The following EDIL3 variants were observed in gnomAD, a reference collection of about 807,000 sequenced individuals.
The protein encoded by EDIL3 is EGF like and discoidin domains 3.
In EDIL3, 37 loss-of-function variants were observed where a neutral mutation model predicts 67.4. That is an observed-to-expected ratio of 0.55 (90% confidence interval 0.42 to 0.72). EDIL3 has a LOEUF of 0.72. EDIL3 is among the 30% of genes least tolerant of loss of function. The pLI is 0.00. For missense variants in EDIL3, 527 were observed against 586.3 expected (o/e 0.90, Z 1.04); for synonymous variants, 195 against 196.3 (o/e 0.99, Z 0.05).
At chr5:84,340,918 A>T (rs890142725) in intron 1 of EDIL3, among the ~76,000 whole-genome samples, 13 of 151,516 alleles carry the variant, frequency 8.6e-5, no homozygotes, top group Non-Finnish European at 1.6e-4. Context: ...ACATGCCTCA[A>T]CTCCAATCCA....
intron 5 of EDIL3, among the ~76,000 whole-genome samples, chr5:84,117,020 ATTTTTTTTTTTTT>A (rs34997139): frequency 3.2e-4 from 27 of 83,244 alleles, no homozygotes; most frequent in Non-Finnish European, 4.7e-4. Flanking sequence ...TTAAGTACTT[ATTTTTTTTTTTTT>A]TTTTTTTTTT....
intron 2 of EDIL3, among the ~76,000 whole-genome samples, chr5:84,242,935 T>C (rs866703675): frequency 6.6e-6 from 1 of 152,028 alleles, no homozygotes; most frequent in African/African-American, 2.4e-5. Flanking sequence ...TGGAACAAAA[T>C]TGTAGGTTTA....
At chr5:84,363,406 C>T (rs556204550) in intron 1 of EDIL3, among the ~76,000 whole-genome samples, 5 of 149,176 alleles carry the variant, frequency 3.4e-5, no homozygotes, top group Admixed American at 6.7e-5. Flanking sequence ...GCCGAGATCG[C>T]GCCACTGCAC....
intron 8 of EDIL3, among the ~76,000 whole-genome samples, chr5:84,064,339 G>A (rs1372424478): frequency 1.3e-5 from 2 of 152,142 alleles, no homozygotes; most frequent in Non-Finnish European, 2.9e-5. Context: ...AATTTATGAG[G>A]TGGGACAGAT....
chr5:84,322,218 A>G (rs986679480), intron 1 of EDIL3, among the ~76,000 whole-genome samples: 27 of 151,932 alleles, frequency 1.8e-4, no homozygotes, highest in Non-Finnish European at 3.5e-4. Flanking sequence ...AAAAAAAAAG[A>G]AAAAAGCAAC....
chr5:84,188,676 G>A (rs1322217258), intron 3 of EDIL3, among the ~76,000 whole-genome samples: 1 of 151,810 alleles, frequency 6.6e-6, no homozygotes, highest in African/African-American at 2.4e-5. Context: ...TCATATAAGT[G>A]GGCCTTAATC....
intron 3 of EDIL3, chr5:84,197,003 T>C (rs1220410260): frequency 6.6e-6 from 1 of 152,000 alleles, no homozygotes; most frequent in Non-Finnish European, 1.5e-5. Context: ...ATCTCTAAAT[T>C]TGAGGCCAAG....
intron 1 of EDIL3, among the ~76,000 whole-genome samples, chr5:84,299,262 C>T (rs1223483244): frequency 1.3e-5 from 2 of 151,966 alleles, no homozygotes; most frequent in Non-Finnish European, 2.9e-5. Context: ...AGGCTAATAT[C>T]GAAAGAAGGA....
intron 3 of EDIL3, among the ~76,000 whole-genome samples, chr5:84,194,895 T>C (rs1353504151): frequency 6.6e-6 from 1 of 151,894 alleles, no homozygotes; most frequent in Non-Finnish European, 1.5e-5. Context: ...ACATTTTAGA[T>C]CCCCTCAGTT....
rs551177104 is a variant in EDIL3, at chr5:84,098,176, A to G, written c.651+8473T>C. On this transcript the variant is annotated intron_variant, in intron 6 of 10. Transcript: ENST00000296591. ...AACCAGTTATGAGCATTGTGGTACT[A>G]TTAATAATTGCATGCTGAACATATA... 2.6e-5 allele frequency among the ~76,000 whole-genome samples: 4 copies of G among 152,164 alleles called. No individual in the cohort carries two copies. The East Asian group carries it at 5.8e-4, about 22-fold the overall frequency.
At chr5:84,378,924 G>A (rs561454136) in intron 1 of EDIL3, among the ~76,000 whole-genome samples, 4 of 152,180 alleles carry the variant, frequency 2.6e-5, no homozygotes, top group East Asian at 1.9e-4. Context: ...GTTTCACAAC[G>A]TTTCAAAGGT....
At position 84,176,230 on chromosome 5, in the gene EDIL3, A is replaced by G. The variant is rs932151444; in HGVS notation, c.355+4163T>C. Reference sequence around the variant, plus strand: ...ATATATATATATATATATATATAATATATTGTATGTATAATATATTGTATA... The same window carrying G: ...ATATATATATATATATATATATAATGTATTGTATGTATAATATATTGTATA... On this transcript the variant is annotated intron_variant, in intron 4 of 10. Transcript: ENST00000296591. Among the ~76,000 whole-genome samples, 10 of 139,186 alleles carry G rather than the reference A, an allele frequency of 7.2e-5. No homozygotes were observed. The East Asian group carries it at 2.0e-3, about 28-fold the overall frequency. The allele number at this position is 139,186 out of a possible 152,430, so 91.3% of individuals were successfully genotyped here. A position where few individuals can be genotyped will look rare whatever the true frequency, so the allele number is the denominator to read the frequency against.
chr5:83,990,148 C>T (rs1745124678), intron 9 of EDIL3, among the ~76,000 whole-genome samples: 1 of 152,116 alleles, frequency 6.6e-6, no homozygotes, highest in Non-Finnish European at 1.5e-5. Context: ...AACTGTGATA[C>T]ATAGGTATTC....
chr5:84,223,163 G>A (rs1744380479), intron 3 of EDIL3, among the ~76,000 whole-genome samples: 1 of 151,520 alleles, frequency 6.6e-6, no homozygotes, highest in African/African-American at 2.4e-5. Flanking sequence ...TATAAGACAA[G>A]GTCCAGGGAA....
At chr5:84,055,644 C>A (rs1335920424) in intron 9 of EDIL3, among the ~76,000 whole-genome samples, 3 of 152,040 alleles carry the variant, frequency 2.0e-5, no homozygotes, top group Non-Finnish European at 4.4e-5. Context: ...AAAAAGTGGG[C>A]AAAGGATATG....
intron 1 of EDIL3, among the ~76,000 whole-genome samples, chr5:84,316,728 A>T (rs1746520748): frequency 6.6e-6 from 1 of 152,178 alleles, no homozygotes; most frequent in South Asian, 2.1e-4. Flanking sequence ...AAGGATATCC[A>T]GGGCTTGAAC....
chr5:84,219,710 C>T (rs1404112516), intron 3 of EDIL3, among the ~76,000 whole-genome samples: 14 of 134,066 alleles, frequency 1.0e-4, no homozygotes, highest in Admixed American at 7.3e-4. Flanking sequence ...TGGAAGCAAA[C>T]TAAGTGTTCA....
intron 10 of EDIL3, among the ~76,000 whole-genome samples, chr5:83,956,942 A>C (rs1356406561): frequency 6.6e-6 from 1 of 151,710 alleles, no homozygotes; most frequent in African/African-American, 2.4e-5. Flanking sequence ...GAAATAATAT[A>C]ATGGTCTTCT....
chr5:83,959,146 A>G (rs1300037592), intron 10 of EDIL3, among the ~76,000 whole-genome samples: 1 of 150,076 alleles, frequency 6.7e-6, no homozygotes, highest in Non-Finnish European at 1.5e-5. Context: ...GTGTGTGTAC[A>G]CATGTATATT....
Sources: gnomAD v4.1 joint callset for allele counts (sites outside exome capture counted in the v4.1 genomes callset) on GRCh38, gnomAD v4.1.1 for gene constraint, MANE v1.5 for transcripts, NCBI Gene and HGNC (gene_info 2026-07-23, HGNC 2026-07-21) for gene names.